UNC13C: variants seen among roughly 807,000 people sequenced by gnomAD.
UNC13C encodes the protein unc-13 homolog C, also known as protein unc-13 homolog C.
A neutral mutation model predicts 245.4 loss-of-function variants in UNC13C; 174 were observed. The observed-to-expected ratio is 0.71, with a 90% CI of 0.63 to 0.80. The LOEUF (loss-of-function observed/expected upper bound fraction) is 0.80. Among genes scored for constraint, UNC13C ranks in the 30% least tolerant of loss-of-function variants. UNC13C has a pLI of 0.00. For missense variants in UNC13C, 2,829 were observed against 2,602.9 expected (o/e 1.09, Z -1.89); for synonymous variants, 992 against 895.1 (o/e 1.11, Z -1.93).
chr15:54,525,701 C>A, intron 25 of UNC13C, 64 bp downstream of exon 25: 2 of 1,329,988 alleles, frequency 1.5e-6, no homozygotes, highest in Non-Finnish European at 1.1e-6. Flanking sequence ...GATATTCTTG[C>A]CTTCAATGCT....
intron 32 of UNC13C, among the ~76,000 whole-genome samples, chr15:54,625,296 C>T (rs1596706722): frequency 6.6e-6 from 1 of 151,308 alleles, no homozygotes; most frequent in Non-Finnish European, 1.5e-5. Context: ...GAGATATAGT[C>T]CCAACAGATG....
chr15:53,919,676 A>G, the UNC13C span, among the ~76,000 whole-genome samples: 1 of 152,218 alleles, frequency 6.6e-6, no homozygotes, highest in Non-Finnish European at 1.5e-5. Flanking sequence ...CAATAGCCAT[A>G]AATCATAGAG....
chr15:54,621,730 G>A (rs1019657748), intron 30 of UNC13C, among the ~76,000 whole-genome samples: 2 of 152,146 alleles, frequency 1.3e-5, no homozygotes, highest in South Asian at 2.1e-4. Flanking sequence ...ACTGTGATTT[G>A]AATTCATGTT....
chr15:54,532,104 C>A (rs1186504802), intron 25 of UNC13C, among the ~76,000 whole-genome samples: 1 of 152,126 alleles, frequency 6.6e-6, no homozygotes, highest in Non-Finnish European at 1.5e-5. Flanking sequence ...TTGTTATACA[C>A]ATTATAATAC....
downstream of UNC13C, chr15:54,631,816 T>G (rs934203178): frequency 2.6e-5 from 4 of 152,212 alleles, no homozygotes; most frequent in African/African-American, 4.8e-5. Flanking sequence ...CAGGATTTTG[T>G]GTATACTTGT....
intron 4 of UNC13C, among the ~76,000 whole-genome samples, chr15:54,222,678 A>G (rs2035260852): frequency 6.6e-6 from 1 of 152,058 alleles, no homozygotes; most frequent in Non-Finnish European, 1.5e-5. Context: ...ACTGATCTCC[A>G]TAGTGCTTGT....
At chr15:54,416,657 T>C (rs1336044077) in intron 19 of UNC13C, among the ~76,000 whole-genome samples, 1 of 152,044 alleles carries the variant, frequency 6.6e-6, no homozygotes, top group African/African-American at 2.4e-5. Flanking sequence ...GCAAATAACT[T>C]TTTTTCAGAG....
chr15:53,996,261 T>C (rs996500838), intron 1 of UNC13C, among the ~76,000 whole-genome samples: 1 of 152,208 alleles, frequency 6.6e-6, no homozygotes, highest in African/African-American at 2.4e-5. Flanking sequence ...TGTGTGACAG[T>C]GAAGCTTTGG....
chr15:54,367,484 G>A lies in UNC13C; in HGVS notation c.4714-25564G>A, dbSNP rs565181825. Among the ~76,000 whole-genome samples, 158 of 152,100 alleles carry A rather than the reference G, an allele frequency of 1.0e-3. 1 individual carries two copies. Among genetic ancestry groups the A allele is most frequent in the Non-Finnish European group, 1.7e-3 (113 of 68,024 alleles). ...GTCTTAGCTTTCCCATTATGCCACA[G>A]GCTCTTTGAAGGGAGGATCTGAGTT... On this transcript the variant is annotated intron_variant, in intron 17 of 32. Transcript: ENST00000260323.
chr15:54,309,155 TGCCAAG>T (rs1249083554), intron 13 of UNC13C, among the ~76,000 whole-genome samples: 1 of 151,874 alleles, frequency 6.6e-6, no homozygotes, highest in Admixed American at 6.6e-5. Context: ...TCCACCTCCT[TGCCAAG>T]GCTTGTTATC....
chr15:54,460,327 T>G (rs776157826), intron 19 of UNC13C, among the ~76,000 whole-genome samples: 2 of 152,176 alleles, frequency 1.3e-5, no homozygotes, highest in Non-Finnish European at 2.9e-5. Flanking sequence ...GTGGGAGTCC[T>G]TGGTTGTAGT....
the UNC13C span, among the ~76,000 whole-genome samples, chr15:53,931,055 CA>C: frequency 6.6e-6 from 1 of 152,208 alleles, no homozygotes; most frequent in Non-Finnish European, 1.5e-5. Flanking sequence ...CAGCAGTTGA[CA>C]ACTGTCGAAT....
In UNC13C at chr15:54,490,801, C is replaced by T. The variant is rs148003168; in HGVS notation, c.4934-3807C>T. On this transcript the variant is annotated intron_variant, in intron 19 of 32. Transcript: ENST00000260323. Reference sequence around the variant, plus strand: ...AGTTACATAATTTTGCGGACATGCACACATCTTAAATAGTATCCCATTTAA... The same window carrying T: ...AGTTACATAATTTTGCGGACATGCATACATCTTAAATAGTATCCCATTTAA... 1.6e-3 allele frequency among the ~76,000 whole-genome samples: 240 copies of T among 152,176 alleles called. 1 individual carries two copies. Among genetic ancestry groups the T allele is most frequent in the African/African-American group, 5.4e-3 (223 of 41,518 alleles).
chr15:54,153,690 A>AG (rs2032623078), intron 4 of UNC13C, among the ~76,000 whole-genome samples: 1 of 152,086 alleles, frequency 6.6e-6, no homozygotes. Context: ...TGGTCTGAAA[A>AG]GATTTCTAAG....
At chr15:54,603,496 A>G (rs1899565382) in intron 30 of UNC13C, among the ~76,000 whole-genome samples, 1 of 152,130 alleles carries the variant, frequency 6.6e-6, no homozygotes, top group Non-Finnish European at 1.5e-5. Flanking sequence ...ATAGAAAATC[A>G]CTTGTTTAAT....
chr15:54,574,722 G>T (rs1017695348), intron 30 of UNC13C, among the ~76,000 whole-genome samples: 1 of 152,166 alleles, frequency 6.6e-6, no homozygotes, highest in Non-Finnish European at 1.5e-5. Context: ...TACAAGAGCT[G>T]AAGTGTTTGT....
At chr15:54,249,515 A>G (rs16974387) in intron 7 of UNC13C, among the ~76,000 whole-genome samples, 22,292 of 152,094 alleles carry the variant, frequency 0.15, 1,729 homozygotes, top group African/African-American at 0.18. Flanking sequence ...AACATGGAAG[A>G]CAGTTCCTGC....
intron 16 of UNC13C, 75 bp downstream of exon 16, chr15:54,333,931 C>T (rs2038507078): frequency 9.1e-7 from 1 of 1,102,100 alleles, no homozygotes. Context: ...TCTTGCTTTA[C>T]CCTCCTCTTG....
At chr15:54,578,331 A>G (rs1898048507) in intron 30 of UNC13C, among the ~76,000 whole-genome samples, 1 of 123,382 alleles carries the variant, frequency 8.1e-6, no homozygotes, top group South Asian at 3.1e-4. Flanking sequence ...TACTTGAAAG[A>G]TTACATTTTT....
Sources: gnomAD v4.1 joint callset for allele counts (sites outside exome capture counted in the v4.1 genomes callset) on GRCh38, gnomAD v4.1.1 for gene constraint, MANE v1.5 for transcripts, NCBI Gene and HGNC (gene_info 2026-07-23, HGNC 2026-07-21) for gene names.